CDYL2: variants seen among roughly 807,000 people sequenced by gnomAD.
The protein encoded by CDYL2 is chromodomain Y like 2.
CDYL2 carries 23 observed loss-of-function variants against 49.4 expected under a neutral mutation model. The ratio of observed to expected loss-of-function variants is 0.47; its 90% CI spans 0.34 to 0.66. CDYL2 has a LOEUF of 0.66. Ranked by LOEUF, CDYL2 falls within the 30% of genes least tolerant of loss-of-function variation. The probability of loss-of-function intolerance (pLI) is 0.01; values close to 1 mark genes in which losing one functional copy is unlikely to be tolerated. For missense variants in CDYL2, 678 were observed against 656.4 expected (o/e 1.03, Z -0.36); for synonymous variants, 360 against 268.8 (o/e 1.34, Z -3.32).
intron 1 of CDYL2, among the ~76,000 whole-genome samples, chr16:80,757,415 C>T (rs1029161737): frequency 3.3e-5 from 5 of 151,638 alleles, no homozygotes; most frequent in African/African-American, 1.2e-4. Flanking sequence ...CGGTGAATGC[C>T]TGTAGTACTA....
intron 1 of CDYL2, among the ~76,000 whole-genome samples, chr16:80,778,852 A>T (rs1285229878): frequency 6.6e-6 from 1 of 152,118 alleles, no homozygotes; most frequent in African/African-American, 2.4e-5. Context: ...AATTTCATCA[A>T]TGACAAATCG....
At chr16:80,734,692 C>T (rs529969188) in intron 1 of CDYL2, among the ~76,000 whole-genome samples, 10 of 152,176 alleles carry the variant, frequency 6.6e-5, no homozygotes, top group Admixed American at 6.5e-4. Flanking sequence ...CCATGTTGGG[C>T]CCTGGGAGCA....
At chr16:80,754,920 GC>G (rs1350804189) in intron 1 of CDYL2, among the ~76,000 whole-genome samples, 2 of 152,088 alleles carry the variant, frequency 1.3e-5, no homozygotes, top group Non-Finnish European at 1.5e-5. Flanking sequence ...TCAATGAGAT[GC>G]CCCCATGATT....
intron 2 of CDYL2, among the ~76,000 whole-genome samples, chr16:80,644,841 T>G (rs1908262315): frequency 2.0e-5 from 3 of 152,102 alleles, no homozygotes; most frequent in African/African-American, 7.2e-5. Flanking sequence ...TCCACACATC[T>G]ACAACCATCT....
At chr16:80,799,463 T>C (rs1438432738) in intron 1 of CDYL2, among the ~76,000 whole-genome samples, 1 of 152,210 alleles carries the variant, frequency 6.6e-6, no homozygotes, top group Non-Finnish European at 1.5e-5. Context: ...TTTGGTGGTC[T>C]ATAAATATGA....
chr16:80,761,035 C>T (rs79402166), intron 1 of CDYL2, among the ~76,000 whole-genome samples: 2 of 152,064 alleles, frequency 1.3e-5, no homozygotes, highest in Admixed American at 6.6e-5. Flanking sequence ...GAATGTAGAG[C>T]GTTGTTAATT....
At chr16:80,791,985 A>G (rs906179549) in intron 1 of CDYL2, among the ~76,000 whole-genome samples, 1 of 152,194 alleles carries the variant, frequency 6.6e-6, no homozygotes, top group African/African-American at 2.4e-5. Context: ...GTATTAAGGA[A>G]AAAGGATGGA....
chr16:80,723,691 T>A (rs1377975210), intron 1 of CDYL2, among the ~76,000 whole-genome samples: 2 of 152,256 alleles, frequency 1.3e-5, no homozygotes, highest in Admixed American at 6.5e-5. Context: ...ATAACACAGC[T>A]GTGCCATTCG....
At position 80,602,756 on chromosome 16, in the gene CDYL2, C is replaced by T. The variant is rs1166600847; in HGVS notation, c.*1632G>A. 1 of 152,270 alleles carries T rather than the reference C, an allele frequency of 6.6e-6. No homozygotes were observed. Among genetic ancestry groups the T allele is most frequent in the Non-Finnish European group, 1.5e-5 (1 of 68,100 alleles). The allele number at this position is 152,270 out of a possible 1,614,324, so 9.4% of individuals were successfully genotyped here. On this transcript the variant is annotated 3_prime_UTR_variant, in exon 7 of 7. Coordinates refer to ENST00000570137, the MANE Select transcript of CDYL2 (RefSeq NM_152342.4). Reference sequence around the variant, plus strand: ...AGGGGAAGAAGGGGAGGGCCAAGGGCCTCCAGGAATACGCAGGGGCTGTGA... The same window carrying T: ...AGGGGAAGAAGGGGAGGGCCAAGGGTCTCCAGGAATACGCAGGGGCTGTGA...
chr16:80,642,654 T>A (rs748508309), intron 2 of CDYL2, among the ~76,000 whole-genome samples: 6 of 152,034 alleles, frequency 3.9e-5, no homozygotes, highest in Non-Finnish European at 7.4e-5. Flanking sequence ...GGCCTCAGAA[T>A]CATGGAGGGA....
At chr16:80,765,120 C>CATATAGTACTATATATAT (rs1906673434) in intron 1 of CDYL2, among the ~76,000 whole-genome samples, 2 of 127,848 alleles carry the variant, frequency 1.6e-5, no homozygotes, top group South Asian at 4.8e-4. Flanking sequence ...TATTGTATAA[C>CATATAGTACTATATATAT]ATATAGTACT....
intron 1 of CDYL2, among the ~76,000 whole-genome samples, chr16:80,718,829 G>A (rs939283486): frequency 6.6e-6 from 1 of 152,192 alleles, no homozygotes; most frequent in Non-Finnish European, 1.5e-5. Context: ...GTCCCTAAAA[G>A]AGGTACTGAC....
In CDYL2 at chr16:80,602,427, T is replaced by A. The variant is rs1184119442; in HGVS notation, c.*1961A>T. The A allele has an allele frequency of 6.6e-6, 1 of 152,090 alleles. No individual in the cohort carries two copies. The highest frequency in any genetic ancestry group is 6.5e-5 in the Admixed American group (1 of 15,276). The allele number at this position is 152,090 out of a possible 1,614,324, so 9.4% of individuals were successfully genotyped here. On this transcript the variant is annotated 3_prime_UTR_variant, in exon 7 of 7. Coordinates refer to ENST00000570137, the MANE Select transcript of CDYL2 (RefSeq NM_152342.4). ...CTTTCCAGGGAGGGAACCAAGGTCA[T>A]CAGAAGGACCAGCAGTCCAGATTAA...
At chr16:80,648,216 A>T (rs1197873380) in intron 2 of CDYL2, among the ~76,000 whole-genome samples, 1 of 152,178 alleles carries the variant, frequency 6.6e-6, no homozygotes, top group Non-Finnish European at 1.5e-5. Flanking sequence ...AATGAATCAA[A>T]AAGTTGTTTT....
At chr16:80,629,008 G>C (rs1470704736) in intron 3 of CDYL2, among the ~76,000 whole-genome samples, 10 of 152,124 alleles carry the variant, frequency 6.6e-5, no homozygotes, top group Admixed American at 6.5e-4. Context: ...CACATATAAA[G>C]GCCCCGGGGC....
chr16:80,672,025 T>A (rs1199269955), intron 2 of CDYL2, among the ~76,000 whole-genome samples: 1 of 152,218 alleles, frequency 6.6e-6, no homozygotes, highest in Non-Finnish European at 1.5e-5. Context: ...TGATTTTTTC[T>A]GATTTTGGAA....
intron 1 of CDYL2, among the ~76,000 whole-genome samples, chr16:80,728,788 G>A (rs1487763127): frequency 1.3e-5 from 2 of 152,042 alleles, no homozygotes; most frequent in African/African-American, 4.8e-5. Context: ...GAGAGTGGGG[G>A]CCAATATTCA....
At position 80,756,820 on chromosome 16, in the gene CDYL2, G is replaced by A. The variant is rs150150042; in HGVS notation, c.24+47330C>T. Among the ~76,000 whole-genome samples, 364 of 151,030 alleles carry A rather than the reference G, an allele frequency of 2.4e-3. 1 individual carries two copies. The highest frequency in any genetic ancestry group is 8.5e-3 in the African/African-American group (350 of 41,206). ...CTTCCATCAGCAGAGATTGGTCCCAGAAAAAGAAGTTATAAATTAGCATTA... is the reference window on the plus strand; with the variant it reads ...CTTCCATCAGCAGAGATTGGTCCCAAAAAAAGAAGTTATAAATTAGCATTA... On this transcript the variant is annotated intron_variant, in intron 1 of 6. Transcript: ENST00000570137.
intron 2 of CDYL2, among the ~76,000 whole-genome samples, chr16:80,676,125 C>T (rs1909733776): frequency 6.6e-6 from 1 of 152,166 alleles, no homozygotes; most frequent in South Asian, 2.1e-4. Context: ...CAGCCTGGCA[C>T]TTTCCATGTG....
Sources: gnomAD v4.1 joint callset for allele counts (sites outside exome capture counted in the v4.1 genomes callset) on GRCh38, gnomAD v4.1.1 for gene constraint, MANE v1.5 for transcripts, NCBI Gene and HGNC (gene_info 2026-07-23, HGNC 2026-07-21) for gene names.